The following TMEM9 variants were observed in gnomAD, a reference collection of about 807,000 sequenced individuals.
The protein encoded by TMEM9 is proton-transporting V-type ATPase complex assembly regulator TMEM9.
Under a neutral mutation model 22.8 loss-of-function variants are expected in TMEM9, and 13 were observed. The observed-to-expected ratio is 0.57, with a 90% CI of 0.37 to 0.91. The LOEUF (loss-of-function observed/expected upper bound fraction) is 0.91, where lower values mean the gene tolerates loss of function less well. Among genes scored for constraint, TMEM9 ranks in the 40% least tolerant of loss-of-function variants. TMEM9 has a pLI of 0.01. For synonymous variants in TMEM9, 88 were observed against 93.0 expected (o/e 0.95, Z 0.31); for missense variants, 182 against 238.1 (o/e 0.76, Z 1.55).
intron 4 of TMEM9, among the ~76,000 whole-genome samples, chr1:201,137,466 T>C (rs909928477): frequency 8.1e-6 from 1 of 123,646 alleles, no homozygotes; most frequent in Non-Finnish European, 1.7e-5. Context: ...GTTACCAAAT[T>C]ATCTAACACA....
intron 1 of TMEM9, among the ~76,000 whole-genome samples, chr1:201,171,312 G>C (rs1206327562): frequency 1.3e-5 from 2 of 152,206 alleles, no homozygotes; most frequent in Admixed American, 1.3e-4. Context: ...CACCGCGGGG[G>C]TGCACTGGCC....
intron 1 of TMEM9, among the ~76,000 whole-genome samples, chr1:201,168,304 G>T (rs1666126602): frequency 6.6e-6 from 1 of 152,180 alleles, no homozygotes; most frequent in Non-Finnish European, 1.5e-5. Context: ...AGGGTTCTCA[G>T]TGTTATCCCC....
upstream of TMEM9, among the ~76,000 whole-genome samples, chr1:201,156,118 GAC>G (rs1665786231): frequency 6.6e-6 from 1 of 152,138 alleles, no homozygotes; most frequent in Non-Finnish European, 1.5e-5. Flanking sequence ...ATGACCCTCT[GAC>G]ACACAACACT....
intron 4 of TMEM9, among the ~76,000 whole-genome samples, chr1:201,140,222 A>G (rs1431433736): frequency 6.6e-6 from 1 of 152,192 alleles, no homozygotes; most frequent in Non-Finnish European, 1.5e-5. Flanking sequence ...CCACTGCCCC[A>G]GCAGGGTGAG....
At position 201,137,471 on chromosome 1, in the gene TMEM9, AACACACACACAC is replaced by A. The variant is rs144662228; in HGVS notation, c.400-1668_400-1657del. Among the ~76,000 whole-genome samples the A allele has an allele frequency of 4.8e-3, 709 of 146,648 alleles. 3 individuals are homozygous for A. The highest frequency in any genetic ancestry group is 0.013 in the East Asian group (66 of 4,932). On this transcript the variant is annotated intron_variant, in intron 4 of 4. Transcript: ENST00000367330. ...AGGAATTATAGTTACCAAATTATCTAACACACACACACACACACACACACACACACACACACA... is the reference window on the plus strand; with the variant it reads ...AGGAATTATAGTTACCAAATTATCTAACACACACACACACACACACACACA...
At chr1:201,162,550 A>C (rs1180216944) in intron 1 of TMEM9, among the ~76,000 whole-genome samples, 22 of 149,672 alleles carry the variant, frequency 1.5e-4, no homozygotes, top group Middle Eastern at 3.4e-3. Context: ...AAAAAAAAAA[A>C]CCCTGACTGA....
At chr1:201,152,666 A>G (rs1335040335) in intron 1 of TMEM9, among the ~76,000 whole-genome samples, 1 of 152,250 alleles carries the variant, frequency 6.6e-6, no homozygotes, top group Non-Finnish European at 1.5e-5. Context: ...CCCTAAGCAG[A>G]GTAATAGATA....
intron 1 of TMEM9, among the ~76,000 whole-genome samples, chr1:201,164,914 G>T (rs1666034919): frequency 1.3e-5 from 2 of 151,702 alleles, no homozygotes; most frequent in African/African-American, 4.8e-5. Context: ...ACCGATTATT[G>T]TGGCCAGGTT....
chr1:201,169,486 A>T (rs558165144), intron 1 of TMEM9, among the ~76,000 whole-genome samples: 6 of 152,336 alleles, frequency 3.9e-5, no homozygotes, highest in African/African-American at 1.4e-4. Flanking sequence ...AACACAGACC[A>T]GAATGCATTT....
intron 4 of TMEM9, among the ~76,000 whole-genome samples, chr1:201,138,551 A>G (rs762126740): frequency 6.6e-6 from 1 of 152,128 alleles, no homozygotes; most frequent in Non-Finnish European, 1.5e-5. Context: ...GCAGAAGGGC[A>G]GTTAGGAGGG....
intron 1 of TMEM9, among the ~76,000 whole-genome samples, chr1:201,164,498 G>A (rs755434046): frequency 9.9e-5 from 15 of 152,166 alleles, no homozygotes; most frequent in Non-Finnish European, 1.6e-4. Context: ...TTATTAAGCT[G>A]AGCCATATAA....
At chr1:201,166,405 A>C (rs1340677999) in intron 1 of TMEM9, among the ~76,000 whole-genome samples, 3 of 150,690 alleles carry the variant, frequency 2.0e-5, no homozygotes, top group African/African-American at 7.3e-5. Flanking sequence ...TCTGTCACCC[A>C]GGCTAGAAAT....
chr1:201,158,572 A>T (rs1665863490), upstream of TMEM9, among the ~76,000 whole-genome samples: 1 of 152,134 alleles, frequency 6.6e-6, no homozygotes, highest in African/African-American at 2.4e-5. Context: ...AAAGGAAGGC[A>T]GGGAGCTCAG....
intron 2 of TMEM9, among the ~76,000 whole-genome samples, chr1:201,150,412 G>A (rs1359953207): frequency 6.6e-6 from 1 of 152,134 alleles, no homozygotes; most frequent in Admixed American, 6.5e-5. Flanking sequence ...TGTGTGCCAG[G>A]TATTGTTCTA....
chr1:201,154,912 A>G (rs1235679174), upstream of TMEM9, among the ~76,000 whole-genome samples: 2 of 152,142 alleles, frequency 1.3e-5, no homozygotes, highest in Non-Finnish European at 2.9e-5. Context: ...CTACCCCTAC[A>G]CACACCTCTG....
At chr1:201,141,097 G>A (rs942844923) in intron 4 of TMEM9, among the ~76,000 whole-genome samples, 2 of 152,146 alleles carry the variant, frequency 1.3e-5, no homozygotes, top group Non-Finnish European at 2.9e-5. Context: ...CCTCTGCCAG[G>A]AAGCCTTCCT....
At chr1:201,166,488 G>A (rs10920136) in intron 1 of TMEM9, among the ~76,000 whole-genome samples, 24,351 of 151,594 alleles carry the variant, frequency 0.16, 2,858 homozygotes, top group African/African-American at 0.32. Flanking sequence ...TCAGCCTCCC[G>A]AGTAGCTGAA....
chr1:201,158,501 G>C (rs1665861087), upstream of TMEM9, among the ~76,000 whole-genome samples: 1 of 152,066 alleles, frequency 6.6e-6, no homozygotes, highest in Non-Finnish European at 1.5e-5. Flanking sequence ...AGTTCAGGGA[G>C]AGACATGTAG....
chr1:201,161,083 T>C (rs919985336), intron 1 of TMEM9, among the ~76,000 whole-genome samples: 1 of 152,206 alleles, frequency 6.6e-6, no homozygotes, highest in Admixed American at 6.5e-5. Flanking sequence ...ATAAGCGTCT[T>C]TTGGTCAAAA....
Sources: gnomAD v4.1 joint callset for allele counts (sites outside exome capture counted in the v4.1 genomes callset) on GRCh38, gnomAD v4.1.1 for gene constraint, MANE v1.5 for transcripts, NCBI Gene and HGNC (gene_info 2026-07-23, HGNC 2026-07-21) for gene names.